DLGAP3: variants seen among roughly 807,000 people sequenced by gnomAD.
The protein encoded by DLGAP3 is DLG associated protein 3.
In DLGAP3, 17 loss-of-function variants were observed where a neutral mutation model predicts 81.2. The observed-to-expected ratio is 0.21, with a 90% CI of 0.14 to 0.31. DLGAP3 has a LOEUF of 0.31. Ranked by LOEUF, DLGAP3 falls within the 10% of genes least tolerant of loss-of-function variation. DLGAP3 has a pLI of 1.00. For missense variants in DLGAP3, 1,124 were observed against 1,388.0 expected, an observed-to-expected ratio of 0.81 and a Z score of 3.02; for synonymous variants, 577 against 587.4, an observed-to-expected ratio of 0.98 and a Z score of 0.26.
chr1:34,903,644 C>T (rs1196386843), intron 3 of DLGAP3, among the ~76,000 whole-genome samples: 1 of 152,120 alleles, frequency 6.6e-6, no homozygotes, highest in African/African-American at 2.4e-5. Flanking sequence ...CATCCACTCC[C>T]GGGAGGCCCT....
At chr1:34,903,184 A>G (rs1176737677) in intron 3 of DLGAP3, among the ~76,000 whole-genome samples, 1 of 152,060 alleles carries the variant, frequency 6.6e-6, no homozygotes, top group African/African-American at 2.4e-5. Flanking sequence ...AACAACTGCA[A>G]CTCCTCCACT....
rs1037366026 is a variant in DLGAP3 at position 34,873,620 on chromosome 1, C to G, written c.2001-4531G>C. The stretch of plus-strand genomic sequence containing the variant: ...CTGAAAAGAGAGGGAGCTGGACAAA[C>G]ACAATCATCGGAATGTAGCACTGAG... On this transcript the variant is annotated intron_variant, in intron 8 of 11. Coordinates refer to ENST00000373347, the MANE Select transcript of DLGAP3 (RefSeq NM_001080418.3). This position sits in a 1 kb window ranked among gnomAD's most constrained non-coding sequence, Gnocchi z 4.2. Among the ~76,000 whole-genome samples the G allele has an allele frequency of 6.6e-6, 1 of 152,208 alleles. No homozygotes were observed. The highest frequency in any genetic ancestry group is 1.5e-5 in the Non-Finnish European group (1 of 68,034).
chr1:34,876,786 C>A (rs1639066017), intron 8 of DLGAP3, among the ~76,000 whole-genome samples: 3 of 152,158 alleles, frequency 2.0e-5, no homozygotes, highest in African/African-American at 7.2e-5. Flanking sequence ...ACATCAAGAC[C>A]TCACCAAGCA....
chr1:34,901,041 C>T (rs1371691248), intron 3 of DLGAP3, among the ~76,000 whole-genome samples: 1 of 152,030 alleles, frequency 6.6e-6, no homozygotes, highest in Non-Finnish European at 1.5e-5. Flanking sequence ...CCATAGAACC[C>T]CAGAGAAACA....
chr1:34,886,069 C>T lies in DLGAP3; in HGVS notation c.1600+3G>A, dbSNP rs1639222407. Reference sequence around the variant, plus strand: ...CGGGCCAGGGGCAGGAAGGTGTACTCACAGGAGCCGGGCCTCCCTGAGACA... The same window carrying T: ...CGGGCCAGGGGCAGGAAGGTGTACTTACAGGAGCCGGGCCTCCCTGAGACA... On this transcript the variant is annotated splice_donor_region_variant and intron_variant, in intron 6 of 11. Transcript: ENST00000373347. 4 of 1,596,740 alleles carry T rather than the reference C, an allele frequency of 2.5e-6. No homozygotes were observed. The East Asian group carries it at 9.0e-5, about 36-fold the overall frequency.
Position 34,868,781 on chromosome 1 carries a change from C to T in DLGAP3, c.2309G>A (p.Arg770His), listed in dbSNP as rs765300605. The change falls in exon 9 of 12, where the codon CGC (arginine) becomes CAC (histidine). Residue 770 changes from arginine (R) to histidine (H), a missense_variant. By Grantham distance (29) the Arg-to-His change is conservative. Transcript: ENST00000373347. This position sits in a 1 kb window ranked among gnomAD's most constrained non-coding sequence, Gnocchi z 7.5. The stretch of plus-strand genomic sequence containing the variant: ...ACCGCGCTCTATCCAGGAGTCACGG[C>T]GGCCGGCCCCAGGGCCGGGGGTGGG... ...PAPTPGPGAG[R>H]RDSWIERGSR... is the part of the protein sequence containing the mutation. 15 of 1,589,548 alleles carry T rather than the reference C, an allele frequency of 9.4e-6. No individual in the cohort carries two copies. The highest frequency in any genetic ancestry group is 1.7e-5 in the Admixed American group (1 of 59,180).
chr1:34,891,778 G>A (rs977102730), intron 5 of DLGAP3, among the ~76,000 whole-genome samples: 34 of 152,114 alleles, frequency 2.2e-4, no homozygotes, highest in African/African-American at 7.5e-4. Flanking sequence ...GCAGATATGG[G>A]GGAAACCCCT....
At chr1:34,897,890 G>A (rs1322676549) in intron 5 of DLGAP3, among the ~76,000 whole-genome samples, 2 of 152,106 alleles carry the variant, frequency 1.3e-5, no homozygotes, top group Admixed American at 1.3e-4. Context: ...GAGAGAAAGT[G>A]GTCAAGACTG....
At chr1:34,917,330 C>A (rs1041974500) in intron 1 of DLGAP3, among the ~76,000 whole-genome samples, 1 of 151,412 alleles carries the variant, frequency 6.6e-6, no homozygotes, top group Non-Finnish European at 1.5e-5. Flanking sequence ...CATTTCCATC[C>A]GATAGATCCT....
chr1:34,911,023 C>G (rs78694366), intron 1 of DLGAP3, among the ~76,000 whole-genome samples: 1 of 7,612 alleles, frequency 1.3e-4, no homozygotes, highest in Non-Finnish European at 4.5e-4. Flanking sequence ...ATATTATCCA[C>G]CCCCCCCCCA....
At chr1:34,901,945 C>T (rs1403123820) in intron 3 of DLGAP3, among the ~76,000 whole-genome samples, 1 of 152,104 alleles carries the variant, frequency 6.6e-6, no homozygotes, top group Non-Finnish European at 1.5e-5. Context: ...GAGAACAGTT[C>T]AGGGATGGAG....
At chr1:34,921,868 C>A (rs1639801145) in intron 1 of DLGAP3, among the ~76,000 whole-genome samples, 1 of 152,178 alleles carries the variant, frequency 6.6e-6, no homozygotes, top group Non-Finnish European at 1.5e-5. Context: ...TTGGTATAGA[C>A]ACTCCTGTAG....
rs1638899077 is a variant in DLGAP3 at position 34,867,284 on chromosome 1, G to A, written c.2578-93C>T. On this transcript the variant is annotated intron_variant, in intron 10 of 11. Coordinates refer to ENST00000373347, the MANE Select transcript of DLGAP3 (RefSeq NM_001080418.3). The surrounding 1 kb of genome is among the most constrained non-coding windows in gnomAD (Gnocchi z 4.3). ...AAAGTCCTATCCACCCTTACTGCCA[G>A]GAAGCTCAGCCTGGGAGAGTGGGTG... is the stretch of plus-strand genomic sequence containing the variant. 1.3e-6 allele frequency: 2 copies of A among 1,569,922 alleles called. No homozygotes were observed. Among genetic ancestry groups the A allele is most frequent in the Admixed American group, 3.4e-5 (2 of 58,542 alleles).
chr1:34,917,065 C>T (rs1281619262), intron 1 of DLGAP3, among the ~76,000 whole-genome samples: 1 of 152,054 alleles, frequency 6.6e-6, no homozygotes, highest in Non-Finnish European at 1.5e-5. Flanking sequence ...AGGTGGACCC[C>T]AGTGTGCCCT....
intron 5 of DLGAP3, among the ~76,000 whole-genome samples, chr1:34,896,616 C>CACAAAAAA (rs1491373889): frequency 3.3e-5 from 5 of 149,420 alleles, no homozygotes; most frequent in African/African-American, 1.2e-4. Context: ...CACACACACA[C>CACAAAAAA]AAAATCAAAC....
intron 2 of DLGAP3, among the ~76,000 whole-genome samples, chr1:34,906,030 A>ATATATATG (rs1639549158): frequency 7.5e-6 from 1 of 132,716 alleles, no homozygotes; most frequent in African/African-American, 2.7e-5. Context: ...ATATATATAT[A>ATATATATG]TATTTGTTTG....
At chr1:34,887,897 G>A (rs1473823951) in intron 5 of DLGAP3, among the ~76,000 whole-genome samples, 1 of 152,224 alleles carries the variant, frequency 6.6e-6, no homozygotes, top group African/African-American at 2.4e-5. Flanking sequence ...TACAGGTACT[G>A]GCACATAGTA....
chr1:34,902,108 G>C lies in DLGAP3; in HGVS notation c.1108-1835C>G, dbSNP rs1639469119. Among the ~76,000 whole-genome samples, 2 of 152,056 alleles carry C rather than the reference G, an allele frequency of 1.3e-5. No individual in the cohort carries two copies. Among genetic ancestry groups the C allele is most frequent in the African/African-American group, 4.8e-5 (2 of 41,392 alleles). On this transcript the variant is annotated intron_variant, in intron 3 of 11. Transcript: ENST00000373347. The surrounding 1 kb of genome is among the most constrained non-coding windows in gnomAD (Gnocchi z 4.4). ...CTGTCAGGAAGCTGAGGGAGTCCGT[G>C]ATGTCAGCCTACACTTCGGAAAATG... is the stretch of plus-strand genomic sequence containing the variant.
chr1:34,868,797 CG>C lies in DLGAP3; in HGVS notation c.2292del (p.Gly765AlafsTer11). The C allele has an allele frequency of 6.4e-7, 1 of 1,573,388 alleles. No individual in the cohort carries two copies. On this transcript the variant is annotated frameshift_variant, in exon 9 of 12. Transcript: ENST00000373347. LOFTEE classifies it high-confidence loss of function. This position sits in a 1 kb window ranked among gnomAD's most constrained non-coding sequence, Gnocchi z 7.5. ...GAGTCACGGCGGCCGGCCCCAGGGC[CG>C]GGGGTGGGGGCGGGGGCAGGGCCGG... is the stretch of plus-strand genomic sequence containing the variant. ...GSPGPAPAPT[P>X]GPGAGRRDSW...
Sources: allele counts gnomAD v4.1 joint callset (sites outside exome capture counted in the v4.1 genomes callset), GRCh38; gene constraint gnomAD v4.1.1; non-coding constraint Gnocchi (gnomAD v3.1); transcripts MANE v1.5; gene names NCBI Gene and HGNC (gene_info 2026-07-23, HGNC 2026-07-21).